Variants in MACROD2 observed in about 807,000 individuals in gnomAD.
MACROD2 encodes ADP-ribose glycohydrolase MACROD2.
MACROD2 carries 36 observed loss-of-function variants against 70.4 expected under a neutral mutation model. The observed-to-expected ratio is 0.51, with a 90% confidence interval of 0.39 to 0.68. The LOEUF (loss-of-function observed/expected upper bound fraction) is 0.68. Ranked by LOEUF, MACROD2 falls within the 30% of genes least tolerant of loss-of-function variation. MACROD2 has a pLI of 0.00. For missense variants in MACROD2, 496 were observed against 538.4 expected, an observed-to-expected ratio of 0.92 and a Z score of 0.78; for synonymous variants, 172 against 178.8, an observed-to-expected ratio of 0.96 and a Z score of 0.30.
chr20:15,357,087 A>C (rs999463889), intron 6 of MACROD2, among the ~76,000 whole-genome samples: 2 of 152,148 alleles, frequency 1.3e-5, no homozygotes, highest in Non-Finnish European at 2.9e-5. Context: ...GTACCTACTT[A>C]ATGAAACCAT....
intron 9 of MACROD2, among the ~76,000 whole-genome samples, chr20:15,871,321 G>A (rs964069643): frequency 5.9e-5 from 9 of 152,064 alleles, no homozygotes; most frequent in African/African-American, 2.2e-4. Context: ...AAAAATCTTA[G>A]CTCTTTAAAA....
intron 5 of MACROD2, among the ~76,000 whole-genome samples, chr20:14,767,090 A>C (rs956955049): frequency 8.5e-5 from 13 of 152,186 alleles, no homozygotes; most frequent in Admixed American, 1.3e-4. Context: ...GCACTTTGGG[A>C]GGCCAAAGCA....
chr20:15,587,742 G>T (rs1229139316), intron 8 of MACROD2, among the ~76,000 whole-genome samples: 1 of 152,202 alleles, frequency 6.6e-6, no homozygotes, highest in Non-Finnish European at 1.5e-5. Context: ...TTGACTCCAG[G>T]TCTCACATCC....
chr20:14,619,544 G>C (rs1228326211), intron 4 of MACROD2, among the ~76,000 whole-genome samples: 1 of 74,776 alleles, frequency 1.3e-5, no homozygotes, highest in African/African-American at 5.1e-5. Context: ...AGGAAGGAAG[G>C]AAAGAAGGGA....
At chr20:14,343,841 G>T (rs2083038836) in intron 3 of MACROD2, among the ~76,000 whole-genome samples, 2 of 152,156 alleles carry the variant, frequency 1.3e-5, no homozygotes, top group Non-Finnish European at 2.9e-5. Flanking sequence ...TATACAAGTG[G>T]ATTGCCCTGA....
intron 5 of MACROD2, among the ~76,000 whole-genome samples, chr20:14,826,529 C>G (rs945641911): frequency 4.0e-5 from 6 of 151,878 alleles, no homozygotes; most frequent in Non-Finnish European, 8.8e-5. Context: ...TACTCCAGAC[C>G]CTAATAGTCT....
At chr20:15,555,248 C>T (rs2146595227) in intron 8 of MACROD2, among the ~76,000 whole-genome samples, 1 of 152,222 alleles carries the variant, frequency 6.6e-6, no homozygotes, top group African/African-American at 2.4e-5. Flanking sequence ...ATCTATTTCC[C>T]AATCAGAATA....
At chr20:14,624,706 A>G (rs972519996) in intron 4 of MACROD2, among the ~76,000 whole-genome samples, 5 of 152,176 alleles carry the variant, frequency 3.3e-5, no homozygotes, top group Non-Finnish European at 5.9e-5. Flanking sequence ...TCCACATGTG[A>G]GGGACCACAG....
At chr20:14,082,391 A>G (rs1037238538) in intron 2 of MACROD2, among the ~76,000 whole-genome samples, 1 of 140,628 alleles carries the variant, frequency 7.1e-6, no homozygotes, top group Admixed American at 7.4e-5. Context: ...ACGGAGTTTC[A>G]CCATGTTAGC....
At chr20:15,026,951 A>G (rs1463253771) in intron 5 of MACROD2, among the ~76,000 whole-genome samples, 1 of 152,196 alleles carries the variant, frequency 6.6e-6, no homozygotes, top group African/African-American at 2.4e-5. Context: ...TTACATGATA[A>G]TAACAAGACT....
chr20:15,824,697 G>A (rs936739074), intron 8 of MACROD2, among the ~76,000 whole-genome samples: 4 of 152,104 alleles, frequency 2.6e-5, no homozygotes, highest in African/African-American at 7.2e-5. Flanking sequence ...ATATGCAGCC[G>A]ATGAGTATTT....
intron 4 of MACROD2, among the ~76,000 whole-genome samples, chr20:14,558,750 T>A (rs966103036): frequency 2.0e-5 from 3 of 151,790 alleles, no homozygotes; most frequent in African/African-American, 2.4e-5. Context: ...CGTATAATAG[T>A]CTTTAATTAT....
chr20:15,759,002 GC>G (rs934358421), intron 8 of MACROD2, among the ~76,000 whole-genome samples: 1 of 152,024 alleles, frequency 6.6e-6, no homozygotes, highest in Non-Finnish European at 1.5e-5. Flanking sequence ...ACAAAAATTA[GC>G]CGGGCTTGCT....
intron 6 of MACROD2, among the ~76,000 whole-genome samples, chr20:15,261,882 T>C (rs2077252390): frequency 6.6e-6 from 1 of 151,868 alleles, no homozygotes; most frequent in Non-Finnish European, 1.5e-5. Context: ...TATCATGACT[T>C]TTTATTTTTT....
At chr20:15,154,069 G>A (rs1329596889) in intron 5 of MACROD2, among the ~76,000 whole-genome samples, 2 of 152,172 alleles carry the variant, frequency 1.3e-5, no homozygotes, top group African/African-American at 4.8e-5. Flanking sequence ...CTGATGACAA[G>A]TAATTTGCTT....
At chr20:14,735,583 C>G (rs1180859479) in intron 5 of MACROD2, among the ~76,000 whole-genome samples, 1 of 152,090 alleles carries the variant, frequency 6.6e-6, no homozygotes, top group Non-Finnish European at 1.5e-5. Context: ...CATGGTGGCT[C>G]ATGTTTGTAA....
chr20:15,025,987 A>G lies in MACROD2; in HGVS notation c.419-203953A>G, dbSNP rs11905275. ...GGATGCATTTGCATGCTCTGTTTCT[A>G]TGTTCCTCTGTTATAAGGAATTAAG... On this transcript the variant is annotated intron_variant, in intron 5 of 17. Transcript: ENST00000684519. 2.4e-4 allele frequency among the ~76,000 whole-genome samples: 37 copies of G among 152,282 alleles called. 1 individual carries two copies. The highest frequency in any genetic ancestry group is 7.5e-4 in the African/African-American group (31 of 41,562).
intron 8 of MACROD2, among the ~76,000 whole-genome samples, chr20:15,728,737 TG>T (rs1296601228): frequency 6.6e-6 from 1 of 152,168 alleles, no homozygotes; most frequent in African/African-American, 2.4e-5. Context: ...GTGTGGTAGG[TG>T]GTAATGTCCC....
chr20:14,805,373 C>G (rs1302506865), intron 5 of MACROD2, among the ~76,000 whole-genome samples: 3 of 151,982 alleles, frequency 2.0e-5, no homozygotes, highest in African/African-American at 7.3e-5. Context: ...ATCCTTTTTA[C>G]TTATTTTCTT....
Sources: gnomAD v4.1 joint callset for allele counts (sites outside exome capture counted in the v4.1 genomes callset) on GRCh38, gnomAD v4.1.1 for gene constraint, MANE v1.5 for transcripts, NCBI Gene and HGNC (gene_info 2026-07-23, HGNC 2026-07-21) for gene names.